The following TFEC variants were observed in gnomAD, a reference collection of about 807,000 sequenced individuals.
The protein encoded by TFEC is class E basic helix-loop-helix protein 34.
In TFEC, 31 loss-of-function variants were observed where a neutral mutation model predicts 41.6. That is an observed-to-expected ratio of 0.74 (90% CI 0.56 to 1.01). The LOEUF (loss-of-function observed/expected upper bound fraction) is 1.01. TFEC is among the 50% of genes least tolerant of loss of function. The pLI is 0.00. For missense variants in TFEC, 402 were observed against 404.1 expected, an observed-to-expected ratio of 0.99 and a Z score of 0.04; for synonymous variants, 143 against 140.6, an observed-to-expected ratio of 1.02 and a Z score of -0.12.
At chr7:116,062,318 A>G (rs1050502394) in intron 3 of TFEC, among the ~76,000 whole-genome samples, 1 of 137,538 alleles carries the variant, frequency 7.3e-6, no homozygotes, top group Admixed American at 8.3e-5. Context: ...CTTCACCTCA[A>G]GTGATCCACC....
intron 3 of TFEC, among the ~76,000 whole-genome samples, chr7:116,048,924 C>G (rs982723557): frequency 6.6e-6 from 1 of 152,142 alleles, no homozygotes; most frequent in African/African-American, 2.4e-5. Context: ...TACAGACAAA[C>G]AAATGCTGAG....
intron 1 of TFEC, among the ~76,000 whole-genome samples, chr7:116,147,388 A>ATGGATGATTTATCTTTTTATATTTTTT (rs1405925983): frequency 5.3e-5 from 8 of 152,198 alleles, no homozygotes; most frequent in Non-Finnish European, 1.0e-4. Context: ...GAATTGACTA[A>ATGGATGATTTATCTTTTTATATTTTTT]TGGATGATTT....
chr7:116,126,500 A>C (rs1798211457), intron 1 of TFEC, among the ~76,000 whole-genome samples: 1 of 152,146 alleles, frequency 6.6e-6, no homozygotes, highest in Non-Finnish European at 1.5e-5. Context: ...TAGTTTCCAG[A>C]TGGAAAAGGC....
chr7:116,141,754 T>A (rs892926087), intron 1 of TFEC, among the ~76,000 whole-genome samples: 6 of 152,190 alleles, frequency 3.9e-5, no homozygotes, highest in African/African-American at 1.4e-4. Flanking sequence ...TTGTTTTACA[T>A]GATTTTTAGG....
At position 115,991,774 on chromosome 7, in the gene TFEC, C is replaced by A. The variant is rs527820066; in HGVS notation, c.-72-7261G>T. On this transcript the variant is annotated intron_variant, in intron 1 of 7. Coordinates refer to ENST00000265440, the MANE Select transcript of TFEC (RefSeq NM_012252.4). The stretch of plus-strand genomic sequence containing the variant: ...ATAATAATGGGAGACTTTAACACCC[C>A]ACTGTCAACATTAGACAGATCAACA... Among the ~76,000 whole-genome samples, 10 of 152,260 alleles carry A rather than the reference C, an allele frequency of 6.6e-5. No homozygotes were observed. The East Asian group carries it at 1.9e-3, about 29-fold the overall frequency.
chr7:115,991,983 G>A (rs1462039166), intron 1 of TFEC, among the ~76,000 whole-genome samples: 7 of 152,128 alleles, frequency 4.6e-5, no homozygotes, highest in Non-Finnish European at 1.0e-4. Flanking sequence ...AAATGTAAAA[G>A]AACAGAAAAT....
At chr7:116,024,607 C>G (rs1167251668) in intron 1 of TFEC, among the ~76,000 whole-genome samples, 2 of 152,130 alleles carry the variant, frequency 1.3e-5, no homozygotes, top group Non-Finnish European at 2.9e-5. Flanking sequence ...TTTCCTATTA[C>G]CACCTGTTTC....
chr7:115,949,577 C>A (rs1791814937), intron 6 of TFEC, among the ~76,000 whole-genome samples: 1 of 151,974 alleles, frequency 6.6e-6, no homozygotes, highest in South Asian at 2.1e-4. Context: ...TTTGACAAAC[C>A]TGAGAAAAAC....
intron 1 of TFEC, among the ~76,000 whole-genome samples, chr7:116,142,257 G>C (rs73220460): frequency 6.6e-6 from 1 of 152,216 alleles, no homozygotes; most frequent in Non-Finnish European, 1.5e-5. Context: ...AACTCCTCTG[G>C]TCTCTATGAC....
In TFEC at chr7:115,937,171, AAAAC is replaced by A. The variant is rs1171675628; in HGVS notation, c.*3376_*3379del. The stretch of plus-strand genomic sequence containing the variant: ...GGATATTTTGTTGAAAAAAGAATGA[AAAAC>A]AATAAAATTATTGTATCTTACTTTA... On this transcript the variant is annotated 3_prime_UTR_variant, in exon 8 of 8. Transcript: ENST00000265440. 6.6e-6 allele frequency: 1 copy of A among 151,676 alleles called. No homozygotes were observed. Among genetic ancestry groups the A allele is most frequent in the Non-Finnish European group, 1.5e-5 (1 of 67,712 alleles). 9.4% of individuals were successfully genotyped at this position (151,676 alleles called of 1,614,324 possible). A position where few individuals can be genotyped will look rare whatever the true frequency, so the allele number is the denominator to read the frequency against.
intron 3 of TFEC, among the ~76,000 whole-genome samples, chr7:115,961,057 A>G (rs1327384200): frequency 6.6e-6 from 1 of 151,692 alleles, no homozygotes; most frequent in Non-Finnish European, 1.5e-5. Flanking sequence ...ATAGTGGAAG[A>G]CTTTAACACA....
chr7:115,970,094 G>C (rs1793065253), intron 3 of TFEC, among the ~76,000 whole-genome samples: 1 of 151,870 alleles, frequency 6.6e-6, no homozygotes, highest in Non-Finnish European at 1.5e-5. Context: ...GTTACCTATA[G>C]GACATGTATT....
chr7:116,071,992 A>G (rs556355903), intron 3 of TFEC, among the ~76,000 whole-genome samples: 25 of 151,664 alleles, frequency 1.6e-4, no homozygotes, highest in Admixed American at 1.1e-3. Context: ...ACAGCTATTC[A>G]TTGTTGATTT....
chr7:116,112,948 T>A (rs1224786083), intron 1 of TFEC, among the ~76,000 whole-genome samples: 1 of 151,998 alleles, frequency 6.6e-6, no homozygotes, highest in Non-Finnish European at 1.5e-5. Flanking sequence ...AGCTTGATTT[T>A]TAGGCATCAT....
intron 3 of TFEC, among the ~76,000 whole-genome samples, chr7:116,100,583 C>A (rs1797581098): frequency 6.8e-6 from 1 of 146,308 alleles, no homozygotes; most frequent in Admixed American, 6.9e-5. Context: ...GAGAAAGAGA[C>A]AGGGGGTTAC....
At chr7:116,040,453 G>C (rs1331550529) in intron 3 of TFEC, among the ~76,000 whole-genome samples, 1 of 152,018 alleles carries the variant, frequency 6.6e-6, no homozygotes, top group Non-Finnish European at 1.5e-5. Flanking sequence ...TATCACATAG[G>C]CATTTCAGAT....
At chr7:116,020,591 C>A (rs1453954889) in intron 1 of TFEC, among the ~76,000 whole-genome samples, 2 of 152,096 alleles carry the variant, frequency 1.3e-5, no homozygotes, top group South Asian at 4.1e-4. Flanking sequence ...CATAAACCTG[C>A]AAAGCAAAGC....
chr7:116,039,335 G>C (rs73220420), intron 3 of TFEC, among the ~76,000 whole-genome samples: 27,549 of 151,868 alleles, frequency 0.18, 2,550 homozygotes, highest in East Asian at 0.33. Flanking sequence ...ATTATAGGAA[G>C]AAAGGAGGGA....
At chr7:116,106,540 G>A (rs1329527227) in intron 3 of TFEC, among the ~76,000 whole-genome samples, 3 of 152,100 alleles carry the variant, frequency 2.0e-5, no homozygotes, top group African/African-American at 4.8e-5. Flanking sequence ...ATGCCACTAC[G>A]CCCAGCTAAT....
Sources: allele counts gnomAD v4.1 joint callset (sites outside exome capture counted in the v4.1 genomes callset), GRCh38; gene constraint gnomAD v4.1.1; transcripts MANE v1.5; gene names NCBI Gene and HGNC (gene_info 2026-07-23, HGNC 2026-07-21).